The following PPM1H variants were observed in gnomAD, a reference collection of about 807,000 sequenced individuals.
The protein encoded by PPM1H is protein phosphatase 1H.
PPM1H carries 27 observed loss-of-function variants against 54.9 expected under a neutral mutation model. The ratio of observed to expected loss-of-function variants is 0.49; its 90% confidence interval spans 0.36 to 0.68. The LOEUF is 0.68. Among genes scored for constraint, PPM1H ranks in the 30% least tolerant of loss-of-function variants. PPM1H has a pLI of 0.00. For missense variants in PPM1H, 596 were observed against 667.8 expected (o/e 0.89, Z 1.19); for synonymous variants, 305 against 270.8 (o/e 1.13, Z -1.24).
intron 2 of PPM1H, among the ~76,000 whole-genome samples, chr12:62,825,882 T>TA (rs60892289): frequency 7.2e-4 from 102 of 141,560 alleles, no homozygotes; most frequent in Admixed American, 7.0e-4. Context: ...TAAAGTATAA[T>TA]AAAAAAAAAA....
rs758103676 is a variant in PPM1H, at chr12:62,878,456, G to C, written c.246-46177C>G. On this transcript the variant is annotated intron_variant, in intron 1 of 9. Coordinates refer to ENST00000228705, the MANE Select transcript of PPM1H (RefSeq NM_020700.2). Reference sequence around the variant, plus strand: ...TGGTTTCAATTTGATACTATTTTTTGCTAATTTTAGTTTTTACTCAAGACA... The same window carrying C: ...TGGTTTCAATTTGATACTATTTTTTCCTAATTTTAGTTTTTACTCAAGACA... Among the ~76,000 whole-genome samples the C allele has an allele frequency of 2.6e-5, 4 of 151,624 alleles. No individual in the cohort carries two copies. The South Asian group carries it at 8.3e-4, about 32-fold the overall frequency.
chr12:62,892,477 G>A (rs1870833145), intron 1 of PPM1H, among the ~76,000 whole-genome samples: 1 of 152,132 alleles, frequency 6.6e-6, no homozygotes, highest in African/African-American at 2.4e-5. Flanking sequence ...TTGCTTCTTT[G>A]CAAAAATAGC....
Position 62,875,694 on chromosome 12 carries a change from G to A in PPM1H, c.246-43415C>T, listed in dbSNP as rs960230377. ...GAAATGAACATTGGTAAGGCAGAAC[G>A]AAAGTCCAAGATTAATCAAAAGATT... is the stretch of plus-strand genomic sequence containing the variant. On this transcript the variant is annotated intron_variant, in intron 1 of 9. Coordinates refer to ENST00000228705, the MANE Select transcript of PPM1H (RefSeq NM_020700.2). Among the ~76,000 whole-genome samples, 11 of 152,274 alleles carry A rather than the reference G, an allele frequency of 7.2e-5. No homozygotes were observed. In the South Asian group the frequency reaches 1.2e-3, roughly 17 times the overall value.
intron 1 of PPM1H, among the ~76,000 whole-genome samples, chr12:62,872,667 G>A (rs1870027398): frequency 6.6e-6 from 1 of 152,168 alleles, no homozygotes; most frequent in Non-Finnish European, 1.5e-5. Flanking sequence ...CATGGTAAGA[G>A]TGGCTCTTTT....
chr12:62,837,781 G>T (rs1186364623), intron 1 of PPM1H, among the ~76,000 whole-genome samples: 1 of 152,226 alleles, frequency 6.6e-6, no homozygotes, highest in Non-Finnish European at 1.5e-5. Flanking sequence ...AAAGCTAGCT[G>T]CCTCTTCTGT....
intron 1 of PPM1H, among the ~76,000 whole-genome samples, chr12:62,840,488 G>A (rs370882724): frequency 1.8e-4 from 28 of 152,232 alleles, no homozygotes; most frequent in East Asian, 1.4e-3. Flanking sequence ...CATACTCAAG[G>A]CCTATGTCGC....
chr12:62,921,453 C>A (rs1871797427), intron 1 of PPM1H, among the ~76,000 whole-genome samples: 2 of 152,138 alleles, frequency 1.3e-5, no homozygotes, highest in African/African-American at 4.8e-5. Flanking sequence ...TTACACCATG[C>A]ATCCAGCAAG....
chr12:62,784,103 G>A (rs1358496595), intron 4 of PPM1H, among the ~76,000 whole-genome samples: 1 of 152,164 alleles, frequency 6.6e-6, no homozygotes, highest in Admixed American at 6.5e-5. Context: ...TGTTGAGTTG[G>A]CTGACTCTGC....
In PPM1H at chr12:62,737,520, G is replaced by A; in HGVS notation, c.936C>T (p.Arg312=). The change falls in exon 5 of 10, where the codon CGC becomes CGT. Residue 312 remains arginine (R), a synonymous_variant. Coordinates refer to ENST00000228705, the MANE Select transcript of PPM1H (RefSeq NM_020700.2). ...CTCTTACCAGGTACTGAAGTCGCTG[G>A]CGCTCCGTCTCGGGGGTAAATTCTG... ...MSSEFTPETE[R]QRLQYLAFMQ... 6.3e-7 allele frequency: 1 copy of A among 1,581,662 alleles called. No individual in the cohort carries two copies. Among genetic ancestry groups the A allele is most frequent in the Non-Finnish European group, 8.6e-7 (1 of 1,161,980 alleles).
At chr12:62,846,586 C>T (rs1281215695) in intron 1 of PPM1H, among the ~76,000 whole-genome samples, 1 of 151,270 alleles carries the variant, frequency 6.6e-6, no homozygotes, top group Non-Finnish European at 1.5e-5. Flanking sequence ...TCCTCAGCTT[C>T]CCCCATCTGG....
intron 1 of PPM1H, among the ~76,000 whole-genome samples, chr12:62,887,852 G>GGGA (rs1193420220): frequency 6.6e-6 from 1 of 152,186 alleles, no homozygotes; most frequent in East Asian, 1.9e-4. Flanking sequence ...CCAGGCTGAG[G>GGGA]GGAGAGCAAC....
intron 1 of PPM1H, among the ~76,000 whole-genome samples, chr12:62,870,631 A>T (rs1205073023): frequency 6.6e-6 from 1 of 152,220 alleles, no homozygotes; most frequent in Non-Finnish European, 1.5e-5. Context: ...CTTTGTCGAC[A>T]GGACAGAATG....
rs949932418 is a variant in PPM1H, at chr12:62,924,845, C to T, written c.245+9647G>A. 7.2e-5 allele frequency among the ~76,000 whole-genome samples: 11 copies of T among 152,144 alleles called. No homozygotes were observed. The East Asian group carries it at 2.1e-3, about 30-fold the overall frequency. On this transcript the variant is annotated intron_variant, in intron 1 of 9. Transcript: ENST00000228705. ...TCACTTGAGCCCAGGAGTTCGAGAC[C>T]AGCCTAGCCAACATGGCAAAACCCC...
intron 4 of PPM1H, among the ~76,000 whole-genome samples, chr12:62,767,787 C>T (rs916070997): frequency 3.3e-5 from 5 of 152,220 alleles, no homozygotes; most frequent in African/African-American, 9.6e-5. Flanking sequence ...GAAGGCTCTG[C>T]AGAATCCTTC....
chr12:62,705,853 T>A lies in PPM1H; in HGVS notation c.1074-11854A>T, dbSNP rs968127202. Among the ~76,000 whole-genome samples the A allele has an allele frequency of 2.0e-5, 3 of 152,186 alleles. No homozygotes were observed. In the East Asian group the frequency reaches 5.8e-4, roughly 29 times the overall value. On this transcript the variant is annotated intron_variant, in intron 6 of 9. Coordinates refer to ENST00000228705, the MANE Select transcript of PPM1H (RefSeq NM_020700.2). The stretch of plus-strand genomic sequence containing the variant: ...ATGAGATCAAGTCAATATATACAAA[T>A]CAGGATATGAACAAAATGGACCCCA...
intron 1 of PPM1H, chr12:62,840,074 AGAGAGAGAGAGCGAG>A (rs1868681319): frequency 1.6e-5 from 2 of 126,938 alleles, no homozygotes; most frequent in South Asian, 2.3e-4. Flanking sequence ...AGAGAGAGAG[AGAGAGAGAGAGCGAG>A]AGAAATAAAA....
chr12:62,728,398 G>A (rs2076301780), intron 5 of PPM1H, among the ~76,000 whole-genome samples: 2 of 152,176 alleles, frequency 1.3e-5, no homozygotes, highest in South Asian at 4.1e-4. Flanking sequence ...TAGGGGAATT[G>A]GATGTCTTTC....
intron 8 of PPM1H, among the ~76,000 whole-genome samples, chr12:62,668,351 C>T (rs78191494): frequency 0.021 from 3,221 of 152,276 alleles, 128 homozygotes; most frequent in African/African-American, 0.074. Context: ...AATCAATCCC[C>T]TTCAGCCTCC....
intron 7 of PPM1H, among the ~76,000 whole-genome samples, chr12:62,692,689 G>A (rs116538306): frequency 1.0e-3 from 152 of 152,230 alleles, no homozygotes; most frequent in African/African-American, 3.5e-3. Flanking sequence ...GTACCAAAAG[G>A]CACAAATATT....
Sources: allele counts gnomAD v4.1 joint callset (sites outside exome capture counted in the v4.1 genomes callset), GRCh38; gene constraint gnomAD v4.1.1; transcripts MANE v1.5; gene names NCBI Gene and HGNC (gene_info 2026-07-23, HGNC 2026-07-21).